ZNF160: variants seen among roughly 807,000 people sequenced by gnomAD.
ZNF160 encodes zinc finger protein 160.
In ZNF160, 9 loss-of-function variants were observed where a neutral mutation model predicts 13.1. That is an observed-to-expected ratio of 0.69 (90% CI 0.41 to 1.20). The LOEUF (loss-of-function observed/expected upper bound fraction) is 1.20, where lower values mean the gene tolerates loss of function less well. Among genes scored for constraint, ZNF160 ranks in the 50% most tolerant of loss-of-function variants. The pLI, the probability that ZNF160 is intolerant of heterozygous loss-of-function variation, is 0.01. For missense variants in ZNF160, 838 were observed against 988.0 expected (o/e 0.85, Z 2.04); for synonymous variants, 293 against 333.2 (o/e 0.88, Z 1.31).
At chr19:53,096,177 C>T (rs1428399051) in intron 1 of ZNF160, among the ~76,000 whole-genome samples, 1 of 152,186 alleles carries the variant, frequency 6.6e-6, no homozygotes, top group Non-Finnish European at 1.5e-5. Flanking sequence ...TGAGATCGCA[C>T]CACTGCACTC....
At position 53,074,611 on chromosome 19, in the gene ZNF160, A is replaced by C. The variant is rs573102139; in HGVS notation, c.143-343T>G. Among the ~76,000 whole-genome samples the C allele has an allele frequency of 4.3e-4, 64 of 148,926 alleles. 1 individual carries two copies. Among genetic ancestry groups the C allele is most frequent in the Non-Finnish European group, 4.4e-5 (3 of 67,634 alleles). On this transcript the variant is annotated intron_variant, in intron 4 of 5. Transcript: ENST00000683776. ...CATGAACCTGGGAGGCAGAGCTTGC[A>C]GGGAGCCTAGATCACGCCACTGCAC...
intron 3 of ZNF160, among the ~76,000 whole-genome samples, chr19:53,076,259 C>A (rs1303454072): frequency 6.6e-6 from 1 of 152,194 alleles, no homozygotes; most frequent in Non-Finnish European, 1.5e-5. Flanking sequence ...ACAAGGTTAT[C>A]TCTATGGAAG....
intron 3 of ZNF160, among the ~76,000 whole-genome samples, chr19:53,076,656 C>T (rs1414719907): frequency 2.6e-5 from 4 of 151,626 alleles, no homozygotes; most frequent in Admixed American, 1.3e-4. Context: ...GAAAACTGTA[C>T]TGAAGTGATG....
rs1165097621 is a variant in ZNF160, at chr19:53,069,336, T to C, written c.1198A>G (p.Asn400Asp). 2 of 1,613,890 alleles carry C rather than the reference T, an allele frequency of 1.2e-6. No individual in the cohort carries two copies. Among genetic ancestry groups the C allele is most frequent in the Non-Finnish European group, 1.7e-6 (2 of 1,179,878 alleles). ...IHTGEKPYKC[N>D]ECGKAFSVRS... ...ACACTAAAGGCTTTGCCGCACTCAT[T>C]GCACTTGTAAGGTTTCTCTCCAGTG... Residue 400 changes from asparagine (N) to aspartate (D), a missense_variant, in exon 6 of 6, where the codon AAT (asparagine) becomes GAT (aspartate). Transcript: ENST00000683776. This position sits in a 1 kb window ranked among gnomAD's most constrained non-coding sequence, Gnocchi z 4.4.
chr19:53,096,554 C>T (rs1415756765), intron 1 of ZNF160, among the ~76,000 whole-genome samples: 1 of 146,152 alleles, frequency 6.8e-6, no homozygotes, highest in Non-Finnish European at 1.5e-5. Context: ...TGCCCAGGCC[C>T]CTCCATGGAA....
chr19:53,100,421 T>C (rs2085400117), intron 1 of ZNF160, among the ~76,000 whole-genome samples: 2 of 149,538 alleles, frequency 1.3e-5, no homozygotes, highest in South Asian at 4.2e-4. Flanking sequence ...CCATCCTGGC[T>C]ACCATGGTGA....
chr19:53,075,337 T>C, intron 3 of ZNF160, 154 bp from the exon 4 acceptor site: 1 of 879,652 alleles, frequency 1.1e-6, no homozygotes, highest in Non-Finnish European at 1.7e-6. Flanking sequence ...GATTTGGTCT[T>C]CATCCCCCTC....
intron 5 of ZNF160, chr19:53,072,838 C>T (rs148665519): frequency 0.021 from 12,773 of 622,458 alleles, 171 homozygotes; most frequent in Non-Finnish European, 0.023. Flanking sequence ...GCAACAAGAG[C>T]GAAACTTCAT....
At chr19:53,100,668 T>C (rs932947321) in intron 1 of ZNF160, among the ~76,000 whole-genome samples, 2 of 150,650 alleles carry the variant, frequency 1.3e-5, no homozygotes, top group African/African-American at 2.4e-5. Flanking sequence ...GCGTCACTGA[T>C]ATCTTTACCA....
rs1222466525 is a variant in ZNF160, at chr19:53,101,006, C to T, written c.-354+2259G>A. Among the ~76,000 whole-genome samples the T allele has an allele frequency of 2.7e-5, 4 of 146,030 alleles. No homozygotes were observed. The East Asian group carries it at 6.2e-4, about 23-fold the overall frequency. On this transcript the variant is annotated intron_variant, in intron 1 of 5. Transcript: ENST00000683776. ...AAAAAAAATAAATAAGGGCCAGGAG[C>T]GGTGGCTCACGCCTGTAATCCCAGA...
chr19:53,086,139 G>A (rs2084821305), intron 3 of ZNF160, 123 bp downstream of exon 3: 3 of 1,331,222 alleles, frequency 2.3e-6, no homozygotes, highest in Non-Finnish European at 2.1e-6. Context: ...CTGAGGGAAG[G>A]CGCGGGTGAG....
At chr19:53,074,959 C>T in intron 4 of ZNF160, 98 bp downstream of exon 4, 1 of 1,531,162 alleles carries the variant, frequency 6.5e-7, no homozygotes, top group Non-Finnish European at 9.0e-7. Context: ...GGACTTCAAT[C>T]TCAGTCAAGC....
Position 53,070,205 on chromosome 19 carries a change from T to C in ZNF160, c.329A>G (p.Glu110Gly). ...CAACACCACTGTGTGGAATACTGCT[T>C]CTGTACTGCTCTTCTCTTTTGGTAG... is the stretch of plus-strand genomic sequence containing the variant. The part of the protein sequence containing the change: ...DLLPKEKSST[E>G]AVFHTVVLER... Residue 110 changes from glutamate (E) to glycine (G), a missense_variant, in exon 6 of 6, where the codon GAA becomes GGA. Around this residue, in one of 3 missense-constraint regions of ZNF160, gnomAD observed 387 missense variants for 402.3 expected, o/e 0.96. Transcript: ENST00000683776. 1 of 1,611,906 alleles carries C rather than the reference T, an allele frequency of 6.2e-7. No homozygotes were observed. Among genetic ancestry groups the C allele is most frequent in the Non-Finnish European group, 8.5e-7 (1 of 1,179,230 alleles).
At chr19:53,083,627 CA>C (rs1219415322) in intron 3 of ZNF160, among the ~76,000 whole-genome samples, 1 of 152,232 alleles carries the variant, frequency 6.6e-6, no homozygotes, top group East Asian at 1.9e-4. Context: ...AAGCCGGGCA[CA>C]ATGGCTCATG....
rs1297320097 is a variant in ZNF160 at position 53,069,715 on chromosome 19, T to C, written c.819A>G (p.Thr273=). 6.2e-7 allele frequency: 1 copy of C among 1,614,200 alleles called. No homozygotes were observed. The highest frequency in any genetic ancestry group is 8.5e-7 in the Non-Finnish European group (1 of 1,180,040). The change falls in exon 6 of 6, where the codon ACA becomes ACG. Residue 273 remains threonine, a synonymous_variant. Coordinates refer to ENST00000683776, the MANE Select transcript of ZNF160 (RefSeq NM_001322131.2). The surrounding 1 kb of genome is among the most constrained non-coding windows in gnomAD (Gnocchi z 4.4). ...GKAFTQNSNL[T]SHRRIHSGEK... is the part of the protein sequence containing the mutation. Reference sequence around the variant, plus strand: ...CTCCACTATGAATTCTCCTATGACTTGTAAGGTTCGAATTCTGAGTGAACG... The same window carrying C: ...CTCCACTATGAATTCTCCTATGACTCGTAAGGTTCGAATTCTGAGTGAACG...
chr19:53,073,726 A>G (rs759064855), intron 5 of ZNF160, among the ~76,000 whole-genome samples: 3 of 152,180 alleles, frequency 2.0e-5, no homozygotes, highest in Admixed American at 1.3e-4. Context: ...CTTTGCCTCT[A>G]TCTCTAAGGC....
At chr19:53,087,408 A>G (rs1410803317) in intron 2 of ZNF160, among the ~76,000 whole-genome samples, 1 of 152,234 alleles carries the variant, frequency 6.6e-6, no homozygotes, top group East Asian at 1.9e-4. Context: ...TAACACACTT[A>G]CAACATAGTA....
At position 53,069,232 on chromosome 19, in the gene ZNF160, A is replaced by G. The variant is rs755275367; in HGVS notation, c.1302T>C (p.Phe434=). 2 of 1,611,136 alleles carry G rather than the reference A, an allele frequency of 1.2e-6. No homozygotes were observed. The highest frequency in any genetic ancestry group is 2.2e-5 in the East Asian group (1 of 44,802). The change falls in exon 6 of 6, where the codon TTT becomes TTC. Residue 434 remains phenylalanine (F), a synonymous_variant. Transcript: ENST00000683776. This position sits in a 1 kb window ranked among gnomAD's most constrained non-coding sequence, Gnocchi z 4.4. ...GCCTTCCGAGGTATGAATTGTACCT[A>G]AAGACTTTGCCACATTCATTACATT... ...PYKCNECGKV[F]RYNSYLGRHR...
At chr19:53,086,872 G>A (rs956871226) in intron 2 of ZNF160, among the ~76,000 whole-genome samples, 2 of 152,200 alleles carry the variant, frequency 1.3e-5, no homozygotes, top group African/African-American at 4.8e-5. Context: ...CACTGAGGGG[G>A]TGAGCCCAGC....
Sources: allele counts gnomAD v4.1 joint callset (sites outside exome capture counted in the v4.1 genomes callset), GRCh38; gene constraint gnomAD v4.1.1; regional missense constraint gnomAD v4.1.1; non-coding constraint Gnocchi (gnomAD v3.1); transcripts MANE v1.5; gene names NCBI Gene and HGNC (gene_info 2026-07-23, HGNC 2026-07-21).